Variants in SLC28A3 observed in about 807,000 individuals in gnomAD.
SLC28A3 encodes solute carrier family 28 member 3.
SLC28A3 carries 68 observed loss-of-function variants against 84.2 expected under a neutral mutation model. The observed-to-expected ratio is 0.81, with a 90% confidence interval of 0.66 to 0.99. The LOEUF (loss-of-function observed/expected upper bound fraction) is 0.99, where lower values mean the gene tolerates loss of function less well. Among genes scored for constraint, SLC28A3 ranks in the 50% least tolerant of loss-of-function variants. SLC28A3 has a pLI of 0.00. For missense variants in SLC28A3, 712 were observed against 841.5 expected (o/e 0.85, Z 1.90); for synonymous variants, 267 against 303.6 (o/e 0.88, Z 1.25).
intron 1 of SLC28A3, among the ~76,000 whole-genome samples, chr9:84,315,074 G>C (rs934822821): frequency 1.3e-5 from 2 of 150,576 alleles, no homozygotes; most frequent in Non-Finnish European, 3.0e-5. Flanking sequence ...GCGAGACTCA[G>C]TCTCAAAAAA....
At position 84,319,303 on chromosome 9, in the gene SLC28A3, C is replaced by G. The variant is rs115561560; in HGVS notation, c.61-5849G>C. Among the ~76,000 whole-genome samples, 573 of 152,248 alleles carry G rather than the reference C, an allele frequency of 3.8e-3. 5 individuals carry two copies. Among genetic ancestry groups the G allele is most frequent in the African/African-American group, 0.013 (557 of 41,538 alleles). On this transcript the variant is annotated intron_variant, in intron 1 of 17. Transcript: ENST00000376238. ...ACCAAAAGGCCTGAGTTAAATTGTT[C>G]CAAATGCATTGATGTATATTTTTAT...
intron 12 of SLC28A3, 103 bp downstream of exon 12, chr9:84,287,945 T>C: frequency 7.0e-7 from 1 of 1,437,700 alleles, no homozygotes; most frequent in East Asian, 2.3e-5. Context: ...AATATTGTAA[T>C]TCACTGTGCT....
chr9:84,357,748 T>C, the SLC28A3 span, among the ~76,000 whole-genome samples: 1 of 152,250 alleles, frequency 6.6e-6, no homozygotes, highest in African/African-American at 2.4e-5. Flanking sequence ...AAATAGCCCA[T>C]GAGGCTCAGA....
upstream of SLC28A3, chr9:84,340,829 G>A (rs143729777): frequency 5.6e-5 from 33 of 589,480 alleles, 1 homozygote; most frequent in Middle Eastern, 1.4e-3. Flanking sequence ...AGAGGCGGGC[G>A]GGTTGGCGGG....
intron 10 of SLC28A3, 193 bp downstream of exon 10, chr9:84,292,465 CTCTCTCTCTG>C (rs1408727407): frequency 7.3e-5 from 28 of 383,254 alleles, no homozygotes; most frequent in African/African-American, 6.7e-4. Context: ...GTCTCTCTGT[CTCTCTCTCTG>C]TCTCTCTCTC....
intron 2 of SLC28A3, 69 bp downstream of exon 2, chr9:84,313,290 C>G: frequency 7.3e-7 from 1 of 1,378,262 alleles, no homozygotes; most frequent in Non-Finnish European, 1.0e-6. Flanking sequence ...TCTGTGCCCA[C>G]TGTTCTCAGG....
intron 2 of SLC28A3, among the ~76,000 whole-genome samples, chr9:84,312,160 C>T (rs1274033752): frequency 2.6e-5 from 4 of 152,178 alleles, no homozygotes; most frequent in South Asian, 4.1e-4. Context: ...CAAGTGTTGG[C>T]AATTACAAAT....
intron 1 of SLC28A3, among the ~76,000 whole-genome samples, chr9:84,327,049 A>C (rs1453011352): frequency 6.8e-6 from 1 of 147,212 alleles, no homozygotes; most frequent in African/African-American, 2.7e-5. Context: ...TAGCACCTCA[A>C]AAAAACTCTC....
upstream of SLC28A3, among the ~76,000 whole-genome samples, chr9:84,341,022 G>A (rs1297821441): frequency 1.4e-5 from 2 of 147,734 alleles, no homozygotes; most frequent in Admixed American, 6.8e-5. Context: ...AAAAAAGGCT[G>A]GAGTGCAGTG....
intron 5 of SLC28A3, 86 bp downstream of exon 5, chr9:84,302,114 A>C (rs1825654176): frequency 7.6e-7 from 1 of 1,319,524 alleles, no homozygotes; most frequent in African/African-American, 1.5e-5. Context: ...ATAAATGAGG[A>C]AGCAATTTCA....
chr9:84,364,120 C>CTTT, the SLC28A3 span, among the ~76,000 whole-genome samples: 37 of 85,280 alleles, frequency 4.3e-4, no homozygotes, highest in Non-Finnish European at 6.6e-4. Flanking sequence ...CAGTTACACT[C>CTTT]TTTTTTTTTT....
chr9:84,305,285 A>C lies in SLC28A3; in HGVS notation c.303T>G (p.Leu101=), dbSNP rs765887382. 21 of 1,613,790 alleles carry C rather than the reference A, an allele frequency of 1.3e-5. No individual in the cohort carries two copies. The highest frequency in any genetic ancestry group is 3.3e-5 in the South Asian group (3 of 91,008). The change falls in exon 4 of 18, where the codon CTT becomes CTG. Residue 101 remains leucine (L), a synonymous_variant. Transcript: ENST00000376238. ...CGFCRKHKTT[L]RHIIWGILLA... ...ATAAAATGCCCCAGATGATGTGCCG[A>C]AGAGTTGTTTTGTGTTTCCTACAGA...
In SLC28A3 at chr9:84,285,515, A is replaced by G; in HGVS notation, c.1477T>C (p.Phe493Leu). 1 of 1,614,178 alleles carries G rather than the reference A, an allele frequency of 6.2e-7. No individual in the cohort carries two copies. Among genetic ancestry groups the G allele is most frequent in the African/African-American group, 1.3e-5 (1 of 75,068 alleles). The change falls in exon 14 of 18, where the codon TTT (phenylalanine) becomes CTT (leucine). Residue 493 changes from phenylalanine (F) to leucine (L), a missense_variant. Physicochemically the swap from Phe to Leu is conservative, Grantham distance 22. Transcript: ENST00000376238. ...ELICSYIFMPFSFMMGVEWQD... is the reference protein window; with the variant it reads ...ELICSYIFMPLSFMMGVEWQD... ...CATTCCACTCCCATCATGAAGGAAA[A>G]GGGCATGAAGATGTAGGAGCAGATT...
chr9:84,365,306 A>G, the SLC28A3 span, among the ~76,000 whole-genome samples: 2 of 152,148 alleles, frequency 1.3e-5, 1 homozygote, highest in South Asian at 4.1e-4. Context: ...CCTGTTTGCC[A>G]TTTAAATGTC....
intron 1 of SLC28A3, among the ~76,000 whole-genome samples, chr9:84,335,410 T>C (rs1380751965): frequency 6.6e-6 from 1 of 152,150 alleles, no homozygotes; most frequent in Non-Finnish European, 1.5e-5. Flanking sequence ...TAGCCAGTTG[T>C]GGTAGCACGT....
chr9:84,306,935 A>G (rs1167727883), intron 3 of SLC28A3, among the ~76,000 whole-genome samples: 2 of 130,432 alleles, frequency 1.5e-5, no homozygotes, highest in African/African-American at 5.8e-5. Flanking sequence ...AAGTAGAAGG[A>G]TTATTTGAGC....
intron 1 of SLC28A3, among the ~76,000 whole-genome samples, chr9:84,316,728 C>T (rs188255155): frequency 2.0e-5 from 3 of 152,304 alleles, no homozygotes; most frequent in African/African-American, 7.2e-5. Flanking sequence ...CTTGTCTGGG[C>T]GTGGTGGCTT....
chr9:84,341,109 G>A (rs1827148244), upstream of SLC28A3, among the ~76,000 whole-genome samples: 1 of 151,920 alleles, frequency 6.6e-6, no homozygotes, highest in Non-Finnish European at 1.5e-5. Context: ...AAGTAGCTGG[G>A]ATTACAGGTG....
intron 1 of SLC28A3, among the ~76,000 whole-genome samples, chr9:84,335,316 A>C (rs1826933195): frequency 6.6e-6 from 1 of 152,196 alleles, no homozygotes; most frequent in Non-Finnish European, 1.5e-5. Flanking sequence ...TGGGAAACCC[A>C]GGAAGAGATG....
Sources: allele counts gnomAD v4.1 joint callset (sites outside exome capture counted in the v4.1 genomes callset), GRCh38; gene constraint gnomAD v4.1.1; transcripts MANE v1.5; gene names NCBI Gene and HGNC (gene_info 2026-07-23, HGNC 2026-07-21).